The following EDNRB variants were observed in gnomAD, a reference collection of about 807,000 sequenced individuals.
EDNRB encodes endothelin receptor type B, also known as Hirschsprung disease 2.
EDNRB carries 18 observed loss-of-function variants against 46.4 expected under a neutral mutation model. The observed-to-expected ratio is 0.39, with a 90% CI of 0.27 to 0.57. EDNRB has a LOEUF of 0.57. Among genes scored for constraint, EDNRB ranks in the 20% least tolerant of loss-of-function variants. The pLI is 0.61. For missense variants in EDNRB, 434 were observed against 537.5 expected (o/e 0.81, Z 1.90); for synonymous variants, 213 against 204.9 (o/e 1.04, Z -0.34).
chr13:77,903,799 A>G (rs1352119879), intron 1 of EDNRB, among the ~76,000 whole-genome samples, 192 bp from the exon 2 acceptor site: 1 of 151,946 alleles, frequency 6.6e-6, no homozygotes, highest in Non-Finnish European at 1.5e-5. Context: ...GTTGGGATTG[A>G]TGAAAATGCA....
chr13:77,936,171 G>A (rs1348205185), intron 1 of EDNRB, among the ~76,000 whole-genome samples: 2 of 152,100 alleles, frequency 1.3e-5, no homozygotes, highest in Admixed American at 6.5e-5. Flanking sequence ...ATACTTGTGG[G>A]TTAAGGTGGG....
intron 1 of EDNRB, among the ~76,000 whole-genome samples, chr13:77,950,473 A>G (rs972873591): frequency 1.3e-5 from 2 of 152,198 alleles, no homozygotes; most frequent in African/African-American, 4.8e-5. Context: ...AACACATCTG[A>G]ACCTTCAGAG....
At chr13:77,935,204 G>T (rs767698735) in intron 1 of EDNRB, among the ~76,000 whole-genome samples, 8 of 152,232 alleles carry the variant, frequency 5.3e-5, no homozygotes, top group Non-Finnish European at 1.2e-4. Context: ...GGCGGCGGCC[G>T]CCACACGCAA....
intron 1 of EDNRB, among the ~76,000 whole-genome samples, chr13:77,929,669 C>T (rs1387945560): frequency 1.3e-5 from 2 of 152,152 alleles, no homozygotes; most frequent in Admixed American, 1.3e-4. Flanking sequence ...CCACTTAAAC[C>T]TCTGGTCAAG....
intron 1 of EDNRB, among the ~76,000 whole-genome samples, chr13:77,925,244 A>T (rs1382505159): frequency 6.6e-6 from 1 of 152,226 alleles, no homozygotes; most frequent in East Asian, 1.9e-4. Flanking sequence ...TATTATTTTT[A>T]AGGCTAAATA....
chr13:77,966,974 A>T (rs1439933233), intron 1 of EDNRB, among the ~76,000 whole-genome samples: 1 of 152,196 alleles, frequency 6.6e-6, no homozygotes, highest in African/African-American at 2.4e-5. Context: ...CCCATTCACT[A>T]AAAACCATGG....
chr13:77,900,108 A>G (rs1878866748), intron 5 of EDNRB, 141 bp from the exon 6 acceptor site: 2 of 743,090 alleles, frequency 2.7e-6, no homozygotes, highest in Non-Finnish European at 4.7e-6. Context: ...GCTAACAATG[A>G]TTCTCTGCCT....
At chr13:77,949,281 A>C (rs1402696644) in intron 1 of EDNRB, among the ~76,000 whole-genome samples, 2 of 152,118 alleles carry the variant, frequency 1.3e-5, no homozygotes, top group Non-Finnish European at 2.9e-5. Context: ...CTGATGCTAC[A>C]CTCTTTCTGG....
chr13:77,965,205 A>G (rs982153596), intron 1 of EDNRB, among the ~76,000 whole-genome samples: 1 of 152,212 alleles, frequency 6.6e-6, no homozygotes, highest in Non-Finnish European at 1.5e-5. Flanking sequence ...CACAAACCCA[A>G]ATCATTGCCT....
At position 77,896,970 on chromosome 13, in the gene EDNRB, T is replaced by TGTAAAATTTTTG. The variant is rs1353852997; in HGVS notation, c.*1229_*1230insCAAAAATTTTAC. 1 of 991,368 alleles carries TGTAAAATTTTTG rather than the reference T, an allele frequency of 1.0e-6. No individual in the cohort carries two copies. Among genetic ancestry groups the TGTAAAATTTTTG allele is most frequent in the African/African-American group, 1.7e-5 (1 of 57,312 alleles). 61.4% of individuals were successfully genotyped at this position (991,368 alleles called of 1,614,324 possible). On this transcript the variant is annotated 3_prime_UTR_variant, in exon 7 of 7. Coordinates refer to ENST00000646607, the MANE Select transcript of EDNRB (RefSeq NM_001122659.3). The stretch of plus-strand genomic sequence containing the variant: ...TCAAGCAAACTTTTCTATTGGCTAT[T>TGTAAAATTTTTG]TACAAAAATAATACAAAAATTAGTA...
chr13:77,922,981 T>G (rs1880128663), upstream of EDNRB, among the ~76,000 whole-genome samples: 3 of 152,218 alleles, frequency 2.0e-5, no homozygotes, highest in South Asian at 6.2e-4. Flanking sequence ...AACTAAAATG[T>G]CACTCATAAA....
intron 1 of EDNRB, among the ~76,000 whole-genome samples, chr13:77,931,023 A>G (rs1385153301): frequency 6.6e-6 from 1 of 152,222 alleles, no homozygotes; most frequent in African/African-American, 2.4e-5. Flanking sequence ...AAAGAGAAAC[A>G]GGAATTCGGT....
chr13:77,972,518 T>C (rs2137697267), intron 1 of EDNRB, among the ~76,000 whole-genome samples: 1 of 152,306 alleles, frequency 6.6e-6, no homozygotes, highest in African/African-American at 2.4e-5. Context: ...ATAAAAGCTC[T>C]ATGTTGGGGG....
intron 3 of EDNRB, 113 bp from the exon 4 acceptor site, chr13:77,901,320 C>A (rs1258742408): frequency 3.4e-6 from 4 of 1,162,470 alleles, no homozygotes; most frequent in East Asian, 2.6e-5. Flanking sequence ...TAAATTAGAT[C>A]CAGTTTGTAT....
intron 1 of EDNRB, among the ~76,000 whole-genome samples, chr13:77,927,102 G>A (rs1484202472): frequency 2.6e-5 from 4 of 152,128 alleles, no homozygotes; most frequent in African/African-American, 9.7e-5. Flanking sequence ...GGGACACAGA[G>A]GCAAACCATA....
upstream of EDNRB, among the ~76,000 whole-genome samples, chr13:77,920,984 T>C (rs1168274703): frequency 6.6e-6 from 1 of 152,174 alleles, no homozygotes; most frequent in Non-Finnish European, 1.5e-5. Flanking sequence ...CCATTCAAAT[T>C]TCCTCCACTG....
At chr13:77,912,528 A>G (rs1924928) in intron 1 of EDNRB, among the ~76,000 whole-genome samples, 151,692 of 152,174 alleles carry the variant, frequency 1, 75,608 homozygotes, top group Middle Eastern at 1. Context: ...TTTGGACATC[A>G]GTAAAAATAT....
At chr13:77,931,764 A>AC (rs1306035585) in intron 1 of EDNRB, among the ~76,000 whole-genome samples, 23 of 141,044 alleles carry the variant, frequency 1.6e-4, no homozygotes, top group African/African-American at 5.0e-4. Context: ...AAAAAAACAA[A>AC]AAAAAAAAAA....
intron 1 of EDNRB, among the ~76,000 whole-genome samples, chr13:77,963,030 G>A (rs373357188): frequency 0.015 from 2,258 of 152,020 alleles, 44 homozygotes; most frequent in East Asian, 0.024. Context: ...ATTGCTTCAA[G>A]GAGAATAAAA....
Sources: gnomAD v4.1 joint callset for allele counts (sites outside exome capture counted in the v4.1 genomes callset) on GRCh38, gnomAD v4.1.1 for gene constraint, MANE v1.5 for transcripts, NCBI Gene and HGNC (gene_info 2026-07-23, HGNC 2026-07-21) for gene names.